Variants in GLRA1 observed in about 807,000 individuals in gnomAD.
GLRA1 encodes glycine receptor alpha 1.
Under a neutral mutation model 48.3 loss-of-function variants are expected in GLRA1, and 37 were observed. That is an observed-to-expected ratio of 0.77 (90% CI 0.59 to 1.01). GLRA1 has a LOEUF of 1.01. Ranked by LOEUF, GLRA1 falls within the 50% of genes least tolerant of loss-of-function variation. The probability of loss-of-function intolerance (pLI) is 0.00; values close to 1 mark genes in which losing one functional copy is unlikely to be tolerated. For synonymous variants in GLRA1, 196 were observed against 210.7 expected (o/e 0.93, Z 0.60); for missense variants, 427 against 571.0 (o/e 0.75, Z 2.57).
At chr5:151,913,930 TA>T (rs1489434728) in intron 1 of GLRA1, among the ~76,000 whole-genome samples, 1 of 152,236 alleles carries the variant, frequency 6.6e-6, no homozygotes, top group African/African-American at 2.4e-5. Context: ...ATTATTATGT[TA>T]TTAAAACCAT....
At position 151,912,265 on chromosome 5, in the gene GLRA1, T is replaced by TTG. The variant is rs1191362495; in HGVS notation, c.56+12228_56+12229insCA. On this transcript the variant is annotated intron_variant, in intron 1 of 8. Transcript: ENST00000274576. ...TTATTTGGCTCCTGTGAAGACTGTT[T>TTG]TTTTTTTTTTTTTTTCTACTAGATG... Among the ~76,000 whole-genome samples the TTG allele has an allele frequency of 6.0e-5, 9 of 150,206 alleles. No individual in the cohort carries two copies. The South Asian group carries it at 1.3e-3, about 21-fold the overall frequency.
Position 151,833,616 on chromosome 5 carries a change from A to G in GLRA1, c.913-4549T>C, listed in dbSNP as rs565842019. Among the ~76,000 whole-genome samples the G allele has an allele frequency of 2.0e-5, 3 of 152,154 alleles. No individual in the cohort carries two copies. In the East Asian group the frequency reaches 5.8e-4, roughly 29 times the overall value. ...GTAGCTGGGATTACAGGCATGCGCC[A>G]CCATGCTTGGCTAATTTTGTATTTT... On this transcript the variant is annotated intron_variant, in intron 7 of 8. Transcript: ENST00000274576.
At chr5:151,909,053 T>C (rs1448469609) in intron 1 of GLRA1, among the ~76,000 whole-genome samples, 1 of 152,186 alleles carries the variant, frequency 6.6e-6, no homozygotes, top group Non-Finnish European at 1.5e-5. Flanking sequence ...AAAGATGAAA[T>C]AGTTAATACA....
intron 3 of GLRA1, among the ~76,000 whole-genome samples, chr5:151,865,788 G>A (rs933692890): frequency 6.6e-6 from 1 of 152,172 alleles, no homozygotes; most frequent in Non-Finnish European, 1.5e-5. Flanking sequence ...GACGGAGAAT[G>A]TACCTTGGTG....
chr5:151,857,187 G>C (rs1039947447), intron 4 of GLRA1, among the ~76,000 whole-genome samples: 1 of 152,256 alleles, frequency 6.6e-6, no homozygotes, highest in African/African-American at 2.4e-5. Flanking sequence ...GCCCAGCCTA[G>C]ACAAAGCCCC....
chr5:151,844,640 AAG>A (rs1752617527), intron 7 of GLRA1, among the ~76,000 whole-genome samples: 1 of 148,652 alleles, frequency 6.7e-6, no homozygotes, highest in Non-Finnish European at 1.5e-5. Flanking sequence ...AAAAAAAAAA[AAG>A]AAAAAGAAAA....
chr5:151,835,454 AT>A (rs2113303737), intron 7 of GLRA1, among the ~76,000 whole-genome samples: 1 of 152,290 alleles, frequency 6.6e-6, no homozygotes, highest in East Asian at 1.9e-4. Context: ...ACCAAAACTC[AT>A]TTTATGAGGC....
At chr5:151,853,163 T>G (rs1006906598) in intron 6 of GLRA1, among the ~76,000 whole-genome samples, 20 of 152,156 alleles carry the variant, frequency 1.3e-4, no homozygotes, top group Admixed American at 6.5e-5. Context: ...GTTCTGGAGA[T>G]CTAATGTACA....
intron 7 of GLRA1, among the ~76,000 whole-genome samples, chr5:151,838,407 T>C (rs1445351538): frequency 6.6e-6 from 1 of 152,056 alleles, no homozygotes; most frequent in African/African-American, 2.4e-5. Context: ...AGGCAGAGAT[T>C]GTAGTGAGCC....
intron 1 of GLRA1, among the ~76,000 whole-genome samples, chr5:151,912,163 A>G (rs1754630549): frequency 6.6e-6 from 1 of 151,388 alleles, no homozygotes; most frequent in African/African-American, 2.4e-5. Context: ...TTTTTTCAGT[A>G]GGCATAGCTT....
intron 1 of GLRA1, among the ~76,000 whole-genome samples, chr5:151,916,669 T>C (rs914859127): frequency 6.6e-6 from 1 of 152,224 alleles, no homozygotes; most frequent in East Asian, 1.9e-4. Context: ...AGTGAGATTA[T>C]CTTTGGAGAA....
At chr5:151,890,736 A>G (rs888049753) in intron 2 of GLRA1, among the ~76,000 whole-genome samples, 1 of 152,112 alleles carries the variant, frequency 6.6e-6, no homozygotes, top group Admixed American at 6.5e-5. Flanking sequence ...TCATTCATAT[A>G]CTATAGTTGT....
Position 151,855,311 on chromosome 5 carries a change from T to C in GLRA1, c.560-134A>G, listed in dbSNP as rs369801134. 7.5e-5 allele frequency: 62 copies of C among 824,830 alleles called. 1 individual carries two copies. The African/African-American group carries it at 9.0e-4, about 12-fold the overall frequency. The allele number at this position is 824,830 out of a possible 1,614,324, so 51.1% of individuals were successfully genotyped here. ...AACTTGTGAGACCAGGTTCCTTTTT[T>C]TTCCTCTCAAAAGAGGTAAAAAACT... On this transcript the variant is annotated intron_variant, in intron 5 of 8. Transcript: ENST00000274576.
At chr5:151,917,392 A>G (rs1297068502) in intron 1 of GLRA1, among the ~76,000 whole-genome samples, 3 of 152,164 alleles carry the variant, frequency 2.0e-5, no homozygotes, top group Non-Finnish European at 4.4e-5. Context: ...ATTCTGTTTC[A>G]GTAGTTTGAT....
At chr5:151,898,153 A>G (rs1262584302) in intron 1 of GLRA1, among the ~76,000 whole-genome samples, 7 of 151,632 alleles carry the variant, frequency 4.6e-5, no homozygotes, top group Non-Finnish European at 1.0e-4. Context: ...TGAAATTAAG[A>G]TGATCTCTAA....
chr5:151,840,542 G>A (rs1763690959), intron 7 of GLRA1, among the ~76,000 whole-genome samples: 1 of 151,994 alleles, frequency 6.6e-6, no homozygotes, highest in Non-Finnish European at 1.5e-5. Flanking sequence ...AGTGGAAATA[G>A]ACTAAACAAA....
intron 1 of GLRA1, among the ~76,000 whole-genome samples, chr5:151,906,068 G>A (rs995309756): frequency 6.6e-6 from 1 of 152,080 alleles, no homozygotes; most frequent in Admixed American, 6.5e-5. Context: ...CCGTTTATTA[G>A]CGGGTTCTGA....
rs150712645 is a variant in GLRA1, at chr5:151,837,254, A to G, written c.913-8187T>C. 5.9e-5 allele frequency among the ~76,000 whole-genome samples: 9 copies of G among 152,350 alleles called. No individual in the cohort carries two copies. In the South Asian group the frequency reaches 6.2e-4, roughly 11 times the overall value. ...CATTAGAGCAATGCAAATAAAAACC[A>G]CAATGAGATACCATGTCATGCCAGT... On this transcript the variant is annotated intron_variant, in intron 7 of 8. Coordinates refer to ENST00000274576, the MANE Select transcript of GLRA1 (RefSeq NM_000171.4).
At chr5:151,914,650 A>G (rs1221889184) in intron 1 of GLRA1, among the ~76,000 whole-genome samples, 4 of 152,108 alleles carry the variant, frequency 2.6e-5, no homozygotes, top group Admixed American at 6.5e-5. Context: ...AGCTTTCTCA[A>G]TGAAATGATC....
Sources: gnomAD v4.1 joint callset for allele counts (sites outside exome capture counted in the v4.1 genomes callset) on GRCh38, gnomAD v4.1.1 for gene constraint, MANE v1.5 for transcripts, NCBI Gene and HGNC (gene_info 2026-07-23, HGNC 2026-07-21) for gene names.